COL6A1: variants seen among roughly 807,000 people sequenced by gnomAD.
COL6A1 encodes collagen type VI alpha 1 chain, also known as collagen alpha-1(VI) chain.
In COL6A1, 80 loss-of-function variants were observed where a neutral mutation model predicts 145.6. The observed-to-expected ratio is 0.55, with a 90% CI of 0.46 to 0.66. The LOEUF (loss-of-function observed/expected upper bound fraction) is 0.66, where lower values mean the gene tolerates loss of function less well. Among genes scored for constraint, COL6A1 ranks in the 30% least tolerant of loss-of-function variants. COL6A1 has a pLI of 0.00. For missense variants in COL6A1, 1,364 were observed against 1,473.8 expected, an observed-to-expected ratio of 0.93 and a Z score of 1.22; for synonymous variants, 638 against 622.8, an observed-to-expected ratio of 1.02 and a Z score of -0.36.
intron 19 of COL6A1, among the ~76,000 whole-genome samples, chr21:45,993,222 G>A (rs887811216): frequency 6.6e-6 from 1 of 152,244 alleles, no homozygotes; most frequent in Admixed American, 6.5e-5. Context: ...CCAGAGCCGA[G>A]ATGCCGGCGG....
chr21:46,000,368 G>T lies in COL6A1; in HGVS notation c.1813+1G>T. The T allele has an allele frequency of 1.2e-6, 2 of 1,613,966 alleles. No individual in the cohort carries two copies. ...TTGGACATCATCATGAAAATGTGCT[G>T]TGAGTATCTCTGAGAAGCCGTCCTC... is the stretch of plus-strand genomic sequence containing the variant. On this transcript the variant is annotated splice_donor_variant, in intron 28 of 34. Coordinates refer to ENST00000361866, the MANE Select transcript of COL6A1 (RefSeq NM_001848.3). LOFTEE classifies it high-confidence loss of function.
intron 19 of COL6A1, among the ~76,000 whole-genome samples, 192 bp from the exon 20 acceptor site, chr21:45,993,975 G>C (rs796606491): frequency 1.9e-4 from 29 of 152,356 alleles, no homozygotes; most frequent in African/African-American, 6.0e-4. Flanking sequence ...GATAGCCATA[G>C]CCAGCCACGC....
rs764887126 is a variant in COL6A1 at position 45,984,459 on chromosome 21, C to T, written c.418C>T (p.Leu140Phe). 8 of 1,610,260 alleles carry T rather than the reference C, an allele frequency of 5.0e-6. No homozygotes were observed. The highest frequency in any genetic ancestry group is 4.0e-5 in the African/African-American group (3 of 74,948). ...CGCTATCAAGAAGGGGCTGGAGCAG[C>T]TCCTCGTGGGGTGAGTGGCCCCCAG... ...DCAIKKGLEQ[L>F]LVGGSHLKEN... Residue 140 changes from leucine (L) to phenylalanine (F), a missense_variant, in exon 3 of 35, where the codon CTC (leucine) becomes TTC (phenylalanine). By Grantham distance (22) the Leu-to-Phe change is conservative. Coordinates refer to ENST00000361866, the MANE Select transcript of COL6A1 (RefSeq NM_001848.3).
chr21:45,997,292 A>G lies in COL6A1; in HGVS notation c.1399-129A>G, dbSNP rs11701583. On this transcript the variant is annotated intron_variant, in intron 20 of 34. Transcript: ENST00000361866. Reference sequence around the variant, plus strand: ...AGAGTGGGCCTGGCTCTCCCCCTGCACTGATGGGACTGGGGCCAGAGCCTG... The same window carrying G: ...AGAGTGGGCCTGGCTCTCCCCCTGCGCTGATGGGACTGGGGCCAGAGCCTG... 0.58 allele frequency: 500,671 copies of G among 859,526 alleles called. 147,139 individuals are homozygous for G. The highest frequency in any genetic ancestry group is 0.69 in the East Asian group (27,374 of 39,728). The allele number at this position is 859,526 out of a possible 1,614,324, so 53.2% of individuals were successfully genotyped here.
At chr21:45,982,890 G>C in intron 2 of COL6A1, 127 bp downstream of exon 2, 2 of 1,379,136 alleles carry the variant, frequency 1.5e-6, no homozygotes, top group Admixed American at 1.7e-5. Context: ...TGCCCTGACC[G>C]GGGCCCCTCC....
In COL6A1 at chr21:45,986,761, C is replaced by T. The variant is rs145049545; in HGVS notation, c.588+76C>T. Reference sequence around the variant, plus strand: ...CTGCAAGGCCCCCGGCAGCTGGGACCGTCTTTTGGTCCTCGGGAGGGTGTG... The same window carrying T: ...CTGCAAGGCCCCCGGCAGCTGGGACTGTCTTTTGGTCCTCGGGAGGGTGTG... On this transcript the variant is annotated intron_variant, in intron 4 of 34. Coordinates refer to ENST00000361866, the MANE Select transcript of COL6A1 (RefSeq NM_001848.3). 674 of 1,524,462 alleles carry T rather than the reference C, an allele frequency of 4.4e-4. 5 individuals carry two copies. The African/African-American group carries it at 7.5e-3, about 17-fold the overall frequency. The allele number at this position is 1,524,462 out of a possible 1,614,324, so 94.4% of individuals were successfully genotyped here.
chr21:45,982,901 C>G, intron 2 of COL6A1, 138 bp downstream of exon 2: 2 of 1,257,426 alleles, frequency 1.6e-6, no homozygotes, highest in South Asian at 2.5e-5. Flanking sequence ...GGGCCCCTCC[C>G]GGCGCCCTCC....
At position 45,984,375 on chromosome 21, in the gene COL6A1, G is replaced by T. The variant is rs568865339; in HGVS notation, c.334G>T (p.Ala112Ser). The T allele has an allele frequency of 2.5e-6, 4 of 1,612,694 alleles. No individual in the cohort carries two copies. The highest frequency in any genetic ancestry group is 1.1e-5 in the South Asian group (1 of 91,074). ...GLTRMPGGRD[A>S]LKSSVDAVKY... Reference sequence around the variant, plus strand: ...CACGCGCATGCCTGGCGGCCGCGACGCACTCAAAAGCAGCGTGGACGCGGT... The same window carrying T: ...CACGCGCATGCCTGGCGGCCGCGACTCACTCAAAAGCAGCGTGGACGCGGT... The change falls in exon 3 of 35, where the codon GCA (alanine) becomes TCA (serine). Residue 112 changes from alanine to serine, a missense_variant. Coordinates refer to ENST00000361866, the MANE Select transcript of COL6A1 (RefSeq NM_001848.3).
intron 22 of COL6A1, among the ~76,000 whole-genome samples, 166 bp from the exon 23 acceptor site, chr21:45,997,955 C>T (rs2077815811): frequency 6.6e-6 from 1 of 152,160 alleles, no homozygotes. Context: ...GCCCCGAGAT[C>T]CGGGTCCCAG....
chr21:45,987,387 G>C (rs1352772367), intron 6 of COL6A1, 112 bp from the exon 7 acceptor site: 2 of 1,527,330 alleles, frequency 1.3e-6, no homozygotes, highest in African/African-American at 2.7e-5. Context: ...GTCCGCCTGT[G>C]CGTCCATCCG....
chr21:46,002,338 C>A lies in COL6A1; in HGVS notation c.2187C>A (p.Asp729Glu). Residue 729 changes from aspartate (D) to glutamate (E), a missense_variant, in exon 32 of 35, where the codon GAC (aspartate) becomes GAA (glutamate). This residue lies in a region of COL6A1 where 938 missense variants were observed against 1,003.8 expected (regional missense o/e 0.93). Transcript: ENST00000361866. The stretch of plus-strand genomic sequence containing the variant: ...ACCGCATCGCCCTGGTCATCACTGA[C>A]GGGCGCTCAGACACTCAGAGGGACA... ...PNNRIALVITDGRSDTQRDTT... is the reference protein window; with the variant it reads ...PNNRIALVITEGRSDTQRDTT... 6.3e-7 allele frequency: 1 copy of A among 1,591,482 alleles called. No homozygotes were observed. Among genetic ancestry groups the A allele is most frequent in the Non-Finnish European group, 8.5e-7 (1 of 1,169,994 alleles).
intron 8 of COL6A1, 111 bp from the exon 9 acceptor site, chr21:45,988,973 G>A: frequency 2.3e-6 from 3 of 1,310,084 alleles, no homozygotes; most frequent in Non-Finnish European, 3.2e-6. Context: ...GTGCTTTAAA[G>A]CCCTTGATCC....
intron 11 of COL6A1, among the ~76,000 whole-genome samples, chr21:45,990,023 TGCGGAGCCGGGG>T (rs2077765146): frequency 5.5e-4 from 4 of 7,254 alleles, no homozygotes; most frequent in South Asian, 7.6e-3. Flanking sequence ...GGTTACCCTC[TGCGGAGCCGGGG>T]GTCCCCCGGG....
In COL6A1 at chr21:45,997,622, C is replaced by T. The variant is rs2077813228; in HGVS notation, c.1462-78C>T. 16 of 1,544,436 alleles carry T rather than the reference C, an allele frequency of 1.0e-5. No homozygotes were observed. The Middle Eastern group carries it at 1.7e-3, about 162-fold the overall frequency. On this transcript the variant is annotated intron_variant, in intron 21 of 34. Transcript: ENST00000361866. ...TCCTGGCTCCCGATGGGACCTCTCC[C>T]GGCCCCAGGAGGGCCCTGCTTCCCT...
chr21:46,001,338 C>T lies in COL6A1; in HGVS notation c.1908C>T (p.Asp636=), dbSNP rs886042572. Residue 636 remains aspartate (D), a synonymous_variant, in exon 30 of 35, where the codon GAC becomes GAT. Coordinates refer to ENST00000361866, the MANE Select transcript of COL6A1 (RefSeq NM_001848.3). The part of the protein sequence containing the change: ...IGLQNFEIAK[D]FVVKVIDRLS... ...TGCAGAACTTCGAGATTGCCAAGGACTTCGTCGTCAAGGTCATCGACCGGC... is the reference window on the plus strand; with the variant it reads ...TGCAGAACTTCGAGATTGCCAAGGATTTCGTCGTCAAGGTCATCGACCGGC... The T allele has an allele frequency of 6.2e-7, 1 of 1,612,784 alleles. No individual in the cohort carries two copies. The highest frequency in any genetic ancestry group is 1.7e-5 in the Admixed American group (1 of 60,010).
chr21:45,995,276 G>A (rs556017835), intron 20 of COL6A1, among the ~76,000 whole-genome samples: 3 of 152,374 alleles, frequency 2.0e-5, no homozygotes, highest in Admixed American at 6.5e-5. Flanking sequence ...GGAAGTGCAC[G>A]GCCTCAGTCT....
chr21:46,002,770 G>A (rs201192461), intron 33 of COL6A1, 60 bp downstream of exon 33: 449 of 1,510,014 alleles, frequency 3.0e-4, no homozygotes, highest in Non-Finnish European at 3.6e-4. Flanking sequence ...GGGCCGCCCG[G>A]GCAGTCCCAG....
chr21:45,991,832 A>G (rs1179440026), intron 15 of COL6A1, among the ~76,000 whole-genome samples, 178 bp from the exon 16 acceptor site: 2 of 152,140 alleles, frequency 1.3e-5, no homozygotes, highest in African/African-American at 4.8e-5. Context: ...GGAGCATTCC[A>G]GGAGGTCTTT....
chr21:45,987,388 C>T lies in COL6A1; in HGVS notation c.739-111C>T, dbSNP rs920877687. ...TGCCTGGGACATGTGTCCGCCTGTG[C>T]GTCCATCCGTGTGTCCGTCTGCCCA... On this transcript the variant is annotated intron_variant, in intron 6 of 34. Coordinates refer to ENST00000361866, the MANE Select transcript of COL6A1 (RefSeq NM_001848.3). 5.8e-5 allele frequency: 88 copies of T among 1,524,264 alleles called. No individual in the cohort carries two copies. In the Admixed American group the frequency reaches 1.2e-3, roughly 21 times the overall value. The allele number at this position is 1,524,264 out of a possible 1,614,324, so 94.4% of individuals were successfully genotyped here. A position where few individuals can be genotyped will look rare whatever the true frequency, so the allele number is the denominator to read the frequency against.
Sources: allele counts gnomAD v4.1 joint callset (sites outside exome capture counted in the v4.1 genomes callset), GRCh38; gene constraint gnomAD v4.1.1; regional missense constraint gnomAD v4.1.1; transcripts MANE v1.5; gene names NCBI Gene and HGNC (gene_info 2026-07-23, HGNC 2026-07-21).